Variants in SPIDR observed in about 807,000 individuals in gnomAD.
SPIDR encodes scaffold protein involved in DNA repair.
Under a neutral mutation model 104.6 loss-of-function variants are expected in SPIDR, and 93 were observed. The observed-to-expected ratio is 0.89, with a 90% CI of 0.75 to 1.06. The LOEUF (loss-of-function observed/expected upper bound fraction) is 1.06. Among genes scored for constraint, SPIDR ranks in the 50% least tolerant of loss-of-function variants. The pLI, the probability that SPIDR is intolerant of heterozygous loss-of-function variation, is 0.00. For missense variants in SPIDR, 1,154 were observed against 1,111.2 expected (o/e 1.04, Z -0.55); for synonymous variants, 431 against 416.9 (o/e 1.03, Z -0.41).
At chr8:47,356,436 T>C (rs1429347909) in intron 5 of SPIDR, among the ~76,000 whole-genome samples, 11 of 152,130 alleles carry the variant, frequency 7.2e-5, no homozygotes, top group Admixed American at 7.2e-4. Context: ...TAACCAAATA[T>C]GTCTCCTGAT....
chr8:47,287,931 G>C (rs1228117185), intron 3 of SPIDR, among the ~76,000 whole-genome samples: 2 of 152,044 alleles, frequency 1.3e-5, no homozygotes, highest in African/African-American at 4.8e-5. Flanking sequence ...GAATGATAAA[G>C]GTCCATATTA....
rs536042481 is a variant in SPIDR at position 47,662,336 on chromosome 8, A to G, written c.1545-11465A>G. 3.3e-5 allele frequency among the ~76,000 whole-genome samples: 5 copies of G among 152,296 alleles called. No homozygotes were observed. The South Asian group carries it at 1.0e-3, about 32-fold the overall frequency. Reference sequence around the variant, plus strand: ...TTGACCTAGTGCTACCGGGGTTGCAAGTTTCTCAAGATAACTAGAAAGTTG... The same window carrying G: ...TTGACCTAGTGCTACCGGGGTTGCAGGTTTCTCAAGATAACTAGAAAGTTG... On this transcript the variant is annotated intron_variant, in intron 10 of 19. Transcript: ENST00000297423.
intron 10 of SPIDR, among the ~76,000 whole-genome samples, chr8:47,616,706 G>A (rs1295853832): frequency 6.6e-6 from 1 of 152,310 alleles, no homozygotes; most frequent in East Asian, 1.9e-4. Context: ...ATAATACAGA[G>A]CATTCCCAAA....
intron 6 of SPIDR, among the ~76,000 whole-genome samples, chr8:47,400,677 C>CTT (rs35140121): frequency 0.026 from 3,587 of 139,514 alleles, 118 homozygotes; most frequent in East Asian, 0.091. Flanking sequence ...TTCTTTCTTT[C>CTT]TTTTTTTTTT....
intron 5 of SPIDR, among the ~76,000 whole-genome samples, chr8:47,333,394 TG>T (rs1479165098): frequency 2.0e-5 from 3 of 152,070 alleles, no homozygotes; most frequent in Admixed American, 6.6e-5. Flanking sequence ...CTCGGCCTCC[TG>T]GGTTCAAGCA....
rs79918303 is a variant in SPIDR at position 47,685,509 on chromosome 8, A to ATTTTTTTTTT, written c.1685+11571_1685+11572insTTTTTTTTTT. ...TATTTATTTATTTATTTATTTATTT[A>ATTTTTTTTTT]TTTATTTATTTTTTTGAGACAGTCT... On this transcript the variant is annotated intron_variant, in intron 11 of 19. Coordinates refer to ENST00000297423, the MANE Select transcript of SPIDR (RefSeq NM_001080394.4). Among the ~76,000 whole-genome samples the ATTTTTTTTTT allele has an allele frequency of 1.0e-3, 112 of 106,910 alleles. 7 individuals carry two copies. Among genetic ancestry groups the ATTTTTTTTTT allele is most frequent in the Admixed American group, 1.5e-3 (15 of 9,864 alleles). 70.1% of individuals were successfully genotyped at this position (106,910 alleles called of 152,430 possible).
At chr8:47,604,274 C>T (rs766618831) in intron 10 of SPIDR, among the ~76,000 whole-genome samples, 3 of 152,146 alleles carry the variant, frequency 2.0e-5, no homozygotes, top group Non-Finnish European at 4.4e-5. Context: ...AGAGAGAATA[C>T]CTTTGAAAAG....
chr8:47,659,736 CTT>C (rs2073751278), intron 10 of SPIDR: 1 of 984,544 alleles, frequency 1.0e-6, no homozygotes, highest in Non-Finnish European at 1.2e-6. Context: ...TTCTCTCTCT[CTT>C]CTTATCACTT....
At chr8:47,470,055 G>A (rs1295267716) in intron 8 of SPIDR, among the ~76,000 whole-genome samples, 6 of 152,022 alleles carry the variant, frequency 3.9e-5, no homozygotes, top group South Asian at 2.1e-4. Context: ...AAATCTATTC[G>A]AATATTCATA....
intron 5 of SPIDR, among the ~76,000 whole-genome samples, chr8:47,343,493 T>C (rs1554615297): frequency 6.6e-6 from 1 of 152,156 alleles, no homozygotes; most frequent in Non-Finnish European, 1.5e-5. Context: ...GAAGCTGCTT[T>C]ATTACTTACA....
At chr8:47,484,813 G>C (rs11781479) in intron 8 of SPIDR, among the ~76,000 whole-genome samples, 7,447 of 152,324 alleles carry the variant, frequency 0.049, 274 homozygotes, top group Non-Finnish European at 0.075. Flanking sequence ...TTACCACATT[G>C]TGGCGTTCAA....
At chr8:47,427,622 A>G (rs2066627897) in intron 7 of SPIDR, among the ~76,000 whole-genome samples, 1 of 152,154 alleles carries the variant, frequency 6.6e-6, no homozygotes, top group Non-Finnish European at 1.5e-5. Context: ...TACCTGTGTG[A>G]ACCTTAGGTG....
intron 7 of SPIDR, among the ~76,000 whole-genome samples, chr8:47,409,210 A>G (rs1244987856): frequency 6.6e-6 from 1 of 152,080 alleles, no homozygotes; most frequent in African/African-American, 2.4e-5. Flanking sequence ...AGAATGAAAT[A>G]CTTAGGAATA....
chr8:47,454,599 C>G (rs1337205381), intron 8 of SPIDR, among the ~76,000 whole-genome samples: 5 of 151,924 alleles, frequency 3.3e-5, no homozygotes, highest in Non-Finnish European at 7.4e-5. Context: ...CAAACCTGCA[C>G]ATGGTATACA....
chr8:47,500,376 T>C (rs1249590135), intron 8 of SPIDR, among the ~76,000 whole-genome samples: 18 of 152,208 alleles, frequency 1.2e-4, no homozygotes, highest in Non-Finnish European at 1.8e-4. Flanking sequence ...TTTTGATTTG[T>C]ATTTCTCTGA....
chr8:47,562,563 A>G (rs1483344504), intron 8 of SPIDR, among the ~76,000 whole-genome samples: 1 of 152,194 alleles, frequency 6.6e-6, no homozygotes, highest in Non-Finnish European at 1.5e-5. Context: ...CAGCGGAGAA[A>G]AGCTGAGAGA....
chr8:47,673,320 G>A (rs773618984), intron 10 of SPIDR: 120 of 437,968 alleles, frequency 2.7e-4, no homozygotes, highest in Middle Eastern at 1.4e-3. Flanking sequence ...GTGTACTGTC[G>A]CAGAGAATGC....
intron 5 of SPIDR, among the ~76,000 whole-genome samples, chr8:47,365,930 G>A (rs1190908956): frequency 6.6e-6 from 1 of 152,016 alleles, no homozygotes; most frequent in Non-Finnish European, 1.5e-5. Flanking sequence ...CTGCATAAAT[G>A]CTATGGGATA....
chr8:47,363,419 A>G (rs112302477), intron 5 of SPIDR, among the ~76,000 whole-genome samples: 4,628 of 149,846 alleles, frequency 0.031, 199 homozygotes, highest in African/African-American at 0.1. Context: ...TGTTAGCCAG[A>G]ATGGTCTCGA....
Sources: allele counts gnomAD v4.1 joint callset (sites outside exome capture counted in the v4.1 genomes callset), GRCh38; gene constraint gnomAD v4.1.1; transcripts MANE v1.5; gene names NCBI Gene and HGNC (gene_info 2026-07-23, HGNC 2026-07-21).